Variants in BMP5 observed in about 807,000 individuals in gnomAD.
BMP5 encodes the protein bone morphogenetic protein 5.
BMP5 carries 23 observed loss-of-function variants against 46.6 expected under a neutral mutation model. The observed-to-expected ratio is 0.49, with a 90% CI of 0.35 to 0.70. BMP5 has a LOEUF of 0.70. Ranked by LOEUF, BMP5 falls within the 30% of genes least tolerant of loss-of-function variation. The pLI is 0.00. For missense variants in BMP5, 545 were observed against 565.6 expected (o/e 0.96, Z 0.37); for synonymous variants, 204 against 191.9 (o/e 1.06, Z -0.52).
chr6:55,851,715 C>T (rs947503330), intron 1 of BMP5, among the ~76,000 whole-genome samples: 1 of 152,132 alleles, frequency 6.6e-6, no homozygotes, highest in Non-Finnish European at 1.5e-5. Flanking sequence ...TTAAGTATTA[C>T]AAAAGTACTT....
intron 4 of BMP5, among the ~76,000 whole-genome samples, chr6:55,767,363 G>T (rs1054944495): frequency 6.6e-6 from 1 of 151,926 alleles, no homozygotes; most frequent in Non-Finnish European, 1.5e-5. Flanking sequence ...ATGAGCATTT[G>T]CCGTGTACCA....
chr6:55,796,685 G>A (rs1337047796), intron 2 of BMP5, among the ~76,000 whole-genome samples: 2 of 124,822 alleles, frequency 1.6e-5, no homozygotes, highest in Non-Finnish European at 3.1e-5. Context: ...AGAGTGTGAT[G>A]TTCCCCTTCC....
At chr6:55,774,591 T>G (rs9475401) in intron 3 of BMP5, among the ~76,000 whole-genome samples, 5 of 151,956 alleles carry the variant, frequency 3.3e-5, no homozygotes, top group African/African-American at 1.2e-4. Flanking sequence ...AAATATTAGC[T>G]ATGGGCTCTT....
rs1300086499 is a variant in BMP5, at chr6:55,774,259, AAAGCACTTGGTTT to A, written c.833-29_833-17del. ...ATACTGCGTCCTAGAACGTAATACA[AAAGCACTTGGTTT>A]ATGAAAAAGAAAGAACAATTACCTG... On this transcript the variant is annotated splice_polypyrimidine_tract_variant and intron_variant, in intron 3 of 6. Coordinates refer to ENST00000370830, the MANE Select transcript of BMP5 (RefSeq NM_021073.4). 13 of 1,609,966 alleles carry A rather than the reference AAAGCACTTGGTTT, an allele frequency of 8.1e-6. No homozygotes were observed. The highest frequency in any genetic ancestry group is 1.7e-5 in the Admixed American group (1 of 59,812).
At chr6:55,772,894 T>G in intron 4 of BMP5, 1 of 985,140 alleles carries the variant, frequency 1.0e-6, no homozygotes, top group South Asian at 4.7e-5. Flanking sequence ...TTCCACCTAG[T>G]AGTTTTATGG....
At chr6:55,864,245 A>C (rs1036481165) in intron 1 of BMP5, among the ~76,000 whole-genome samples, 2 of 152,176 alleles carry the variant, frequency 1.3e-5, no homozygotes, top group Admixed American at 6.5e-5. Flanking sequence ...CTACGATTTG[A>C]GTATGTCCTC....
chr6:55,800,613 C>T (rs1050194901), intron 2 of BMP5, among the ~76,000 whole-genome samples: 1 of 152,072 alleles, frequency 6.6e-6, no homozygotes, highest in Admixed American at 6.6e-5. Flanking sequence ...TTTTTCTAGT[C>T]AGCTGAATAA....
chr6:55,802,250 T>G (rs1033222004), intron 2 of BMP5, among the ~76,000 whole-genome samples: 1 of 152,110 alleles, frequency 6.6e-6, no homozygotes, highest in Non-Finnish European at 1.5e-5. Flanking sequence ...TTCTATTAAA[T>G]TGGAAGTTGA....
intron 4 of BMP5, chr6:55,772,907 C>T (rs375820908): frequency 9.9e-4 from 975 of 984,916 alleles, no homozygotes; most frequent in Middle Eastern, 6.3e-3. Context: ...TTTTATGGAG[C>T]GTCTCTGAGC....
intron 1 of BMP5, among the ~76,000 whole-genome samples, chr6:55,853,085 G>C (rs756535824): frequency 6.6e-6 from 1 of 150,442 alleles, no homozygotes; most frequent in Non-Finnish European, 1.5e-5. Context: ...AGCCGAGATC[G>C]CACCACTGCA....
At chr6:55,851,590 A>G (rs1777245286) in intron 1 of BMP5, among the ~76,000 whole-genome samples, 2 of 152,188 alleles carry the variant, frequency 1.3e-5, no homozygotes, top group Admixed American at 1.3e-4. Context: ...CTGCAAAGGA[A>G]TCTGTGGACT....
chr6:55,759,183 A>AAC (rs1774700306), intron 5 of BMP5, 68 bp from the exon 6 acceptor site: 1 of 700,676 alleles, frequency 1.4e-6, no homozygotes, highest in African/African-American at 3.0e-5. Flanking sequence ...AAAAAAAAAA[A>AAC]CAACAAGAAA....
At chr6:55,827,183 C>T (rs1244847545) in intron 1 of BMP5, among the ~76,000 whole-genome samples, 1 of 151,660 alleles carries the variant, frequency 6.6e-6, no homozygotes, top group South Asian at 2.1e-4. Flanking sequence ...GAGATGGATG[C>T]CACAGCAAAT....
chr6:55,772,299 A>G (rs999407207), intron 4 of BMP5, among the ~76,000 whole-genome samples: 2 of 151,906 alleles, frequency 1.3e-5, no homozygotes, highest in Non-Finnish European at 2.9e-5. Flanking sequence ...AAGAGAAGAT[A>G]AATAGAGTTA....
At chr6:55,841,140 G>C (rs983940833) in intron 1 of BMP5, among the ~76,000 whole-genome samples, 10 of 152,242 alleles carry the variant, frequency 6.6e-5, no homozygotes, top group African/African-American at 2.4e-4. Flanking sequence ...TGGAACAACA[G>C]GTTCATAGCG....
intron 2 of BMP5, among the ~76,000 whole-genome samples, chr6:55,800,525 A>G (rs1210815709): frequency 1.3e-5 from 2 of 152,202 alleles, no homozygotes; most frequent in East Asian, 3.8e-4. Flanking sequence ...TGTTCTCCTT[A>G]TAATTCGATA....
intron 1 of BMP5, among the ~76,000 whole-genome samples, chr6:55,849,522 C>A (rs1381843538): frequency 6.6e-6 from 1 of 151,916 alleles, no homozygotes; most frequent in Admixed American, 6.6e-5. Context: ...ATGGCAGGTG[C>A]AAAGGCCCTG....
At chr6:55,831,756 C>G (rs144939430) in intron 1 of BMP5, among the ~76,000 whole-genome samples, 1 of 152,086 alleles carries the variant, frequency 6.6e-6, no homozygotes, top group Non-Finnish European at 1.5e-5. Flanking sequence ...ATCTGAAGTA[C>G]AAAAAATTTC....
chr6:55,792,463 G>A (rs9689069), intron 3 of BMP5, among the ~76,000 whole-genome samples: 29,806 of 150,870 alleles, frequency 0.2, 3,053 homozygotes, highest in Non-Finnish European at 0.23. Context: ...GAATCGGGGA[G>A]GCAGAGCTTG....
Sources: allele counts gnomAD v4.1 joint callset (sites outside exome capture counted in the v4.1 genomes callset), GRCh38; gene constraint gnomAD v4.1.1; transcripts MANE v1.5; gene names NCBI Gene and HGNC (gene_info 2026-07-23, HGNC 2026-07-21).